Variants in MACROD2 observed in about 807,000 individuals in gnomAD.
The protein encoded by MACROD2 is mono-ADP ribosylhydrolase 2, also known as ADP-ribose glycohydrolase MACROD2.
MACROD2 carries 36 observed loss-of-function variants against 70.4 expected under a neutral mutation model. The observed-to-expected ratio is 0.51, with a 90% CI of 0.39 to 0.68. The LOEUF (loss-of-function observed/expected upper bound fraction) is 0.68, where lower values mean the gene tolerates loss of function less well. Ranked by LOEUF, MACROD2 falls within the 30% of genes least tolerant of loss-of-function variation. MACROD2 has a pLI of 0.00. For synonymous variants in MACROD2, 172 were observed against 178.8 expected (o/e 0.96, Z 0.30); for missense variants, 496 against 538.4 (o/e 0.92, Z 0.78).
intron 3 of MACROD2, among the ~76,000 whole-genome samples, chr20:14,249,048 A>T (rs948888078): frequency 4.0e-5 from 6 of 150,930 alleles, no homozygotes; most frequent in Non-Finnish European, 7.4e-5. Context: ...TAGAGGCAAG[A>T]TCTTGTCAGA....
chr20:14,019,312 C>T (rs1428038817), intron 2 of MACROD2, among the ~76,000 whole-genome samples: 1 of 152,128 alleles, frequency 6.6e-6, no homozygotes, highest in Admixed American at 6.5e-5. Context: ...TGCTCTGTTG[C>T]CCAGGTTGGA....
At chr20:14,034,740 C>A (rs2053287392) in intron 2 of MACROD2, among the ~76,000 whole-genome samples, 1 of 152,200 alleles carries the variant, frequency 6.6e-6, no homozygotes, top group East Asian at 1.9e-4. Flanking sequence ...AGGCACTGTT[C>A]TAAGTGGGTT....
At chr20:14,383,329 T>G (rs76996851) in intron 3 of MACROD2, among the ~76,000 whole-genome samples, 1 of 151,890 alleles carries the variant, frequency 6.6e-6, no homozygotes, top group Non-Finnish European at 1.5e-5. Context: ...GCTTTTTTTT[T>G]GGAACTCCGT....
chr20:15,818,306 C>T (rs1225525085), intron 8 of MACROD2, among the ~76,000 whole-genome samples: 2 of 152,144 alleles, frequency 1.3e-5, no homozygotes, highest in African/African-American at 4.8e-5. Context: ...TGATTGTATG[C>T]TAAACAAATT....
In MACROD2 at chr20:15,000,486, G is replaced by A. The variant is rs965243707; in HGVS notation, c.419-229454G>A. ...AAAATACAAAAAATTAGCCGGGCGC[G>A]GTGGCGGGCGCCTGTAGTCCCAGCT... On this transcript the variant is annotated intron_variant, in intron 5 of 17. Coordinates refer to ENST00000684519, the MANE Select transcript of MACROD2 (RefSeq NM_001351661.2). Among the ~76,000 whole-genome samples, 7 of 144,444 alleles carry A rather than the reference G, an allele frequency of 4.8e-5. 1 individual carries two copies. The highest frequency in any genetic ancestry group is 1.4e-4 in the African/African-American group (5 of 36,232). The allele number at this position is 144,444 out of a possible 152,430, so 94.8% of individuals were successfully genotyped here. A position where few individuals can be genotyped will look rare whatever the true frequency, so the allele number is the denominator to read the frequency against.
At chr20:15,544,148 GC>G (rs1450624396) in intron 8 of MACROD2, among the ~76,000 whole-genome samples, 1 of 152,168 alleles carries the variant, frequency 6.6e-6, no homozygotes, top group African/African-American at 2.4e-5. Flanking sequence ...TAGCCAAGGG[GC>G]CATCACCTCA....
At chr20:15,325,402 G>A (rs919755309) in intron 6 of MACROD2, among the ~76,000 whole-genome samples, 4 of 152,112 alleles carry the variant, frequency 2.6e-5, no homozygotes, top group African/African-American at 4.8e-5. Context: ...TAACATTTGA[G>A]GCTCCCCATC....
intron 5 of MACROD2, among the ~76,000 whole-genome samples, chr20:15,114,939 G>A (rs1443787658): frequency 6.6e-6 from 1 of 152,106 alleles, no homozygotes; most frequent in African/African-American, 2.4e-5. Flanking sequence ...ATGAAAAAGA[G>A]GCTGTATGTG....
At chr20:15,555,168 G>A (rs999935130) in intron 8 of MACROD2, among the ~76,000 whole-genome samples, 16 of 152,240 alleles carry the variant, frequency 1.1e-4, no homozygotes, top group African/African-American at 3.9e-4. Flanking sequence ...AGTGAGAGGC[G>A]GCCAGGGGTG....
At chr20:14,621,805 G>A (rs570841993) in intron 4 of MACROD2, 10 of 152,062 alleles carry the variant, frequency 6.6e-5, no homozygotes, top group Non-Finnish European at 1.5e-4. Flanking sequence ...ACATAAAAAC[G>A]AGCTATTTTT....
At chr20:14,490,077 A>G (rs2084778094) in intron 3 of MACROD2, among the ~76,000 whole-genome samples, 1 of 152,160 alleles carries the variant, frequency 6.6e-6, no homozygotes, top group Non-Finnish European at 1.5e-5. Flanking sequence ...AACTGCCGTG[A>G]TCATTTTTCA....
intron 6 of MACROD2, among the ~76,000 whole-genome samples, chr20:15,344,669 A>G (rs1189472755): frequency 2.0e-5 from 3 of 152,080 alleles, no homozygotes; most frequent in Admixed American, 1.3e-4. Flanking sequence ...CACTTTATTC[A>G]ACTGTAATGC....
At chr20:15,319,606 A>G (rs1166245134) in intron 6 of MACROD2, among the ~76,000 whole-genome samples, 6 of 152,238 alleles carry the variant, frequency 3.9e-5, no homozygotes, top group Admixed American at 2.0e-4. Flanking sequence ...GGCTAAATAT[A>G]GAATTACATC....
intron 8 of MACROD2, among the ~76,000 whole-genome samples, chr20:15,688,854 G>A (rs1365015258): frequency 6.6e-6 from 1 of 152,172 alleles, no homozygotes; most frequent in Non-Finnish European, 1.5e-5. Flanking sequence ...AAAACGTAAG[G>A]TGAAATCTTA....
intron 12 of MACROD2, among the ~76,000 whole-genome samples, chr20:15,938,327 G>T (rs758259780): frequency 6.6e-6 from 1 of 151,974 alleles, no homozygotes; most frequent in Non-Finnish European, 1.5e-5. Context: ...AAGTTTTGTG[G>T]GAACCCTGCA....
At chr20:15,535,088 G>A (rs1488677262) in intron 8 of MACROD2, among the ~76,000 whole-genome samples, 1 of 152,082 alleles carries the variant, frequency 6.6e-6, no homozygotes, top group Non-Finnish European at 1.5e-5. Flanking sequence ...TGATCCTTCT[G>A]TCTCAGCCTA....
At chr20:14,225,669 A>G (rs2081726233) in intron 3 of MACROD2, among the ~76,000 whole-genome samples, 1 of 152,246 alleles carries the variant, frequency 6.6e-6, no homozygotes, top group African/African-American at 2.4e-5. Flanking sequence ...TTTCAGTACA[A>G]TTATAACTGA....
At position 14,002,417 on chromosome 20, in the gene MACROD2, G is replaced by T; in HGVS notation, c.163+13G>T. ...GGCCAAAATGATGGTAAGTTTCTCG[G>T]AACATTTTTTAGGTAGATATTTTTC... On this transcript the variant is annotated intron_variant, in intron 2 of 17. Coordinates refer to ENST00000684519, the MANE Select transcript of MACROD2 (RefSeq NM_001351661.2). The T allele has an allele frequency of 6.5e-7, 1 of 1,534,488 alleles. No homozygotes were observed. Among genetic ancestry groups the T allele is most frequent in the South Asian group, 1.2e-5 (1 of 83,460 alleles).
intron 3 of MACROD2, among the ~76,000 whole-genome samples, chr20:14,285,981 A>G (rs75340228): frequency 5.2e-5 from 1 of 19,246 alleles, no homozygotes; most frequent in East Asian, 6.7e-4. Context: ...TCTGCAGCCA[A>G]AAAAAAAAAA....
Sources: allele counts gnomAD v4.1 joint callset (sites outside exome capture counted in the v4.1 genomes callset), GRCh38; gene constraint gnomAD v4.1.1; transcripts MANE v1.5; gene names NCBI Gene and HGNC (gene_info 2026-07-23, HGNC 2026-07-21).